APBB2: variants seen among roughly 807,000 people sequenced by gnomAD.
The protein encoded by APBB2 is amyloid beta precursor protein binding family B member 2.
In APBB2, 38 loss-of-function variants were observed where a neutral mutation model predicts 82.5. The ratio of observed to expected loss-of-function variants is 0.46; its 90% CI spans 0.36 to 0.60. The LOEUF (loss-of-function observed/expected upper bound fraction) is 0.60. Ranked by LOEUF, APBB2 falls within the 20% of genes least tolerant of loss-of-function variation. The pLI, the probability that APBB2 is intolerant of heterozygous loss-of-function variation, is 0.00. For missense variants in APBB2, 772 were observed against 972.3 expected, an observed-to-expected ratio of 0.79 and a Z score of 2.74; for synonymous variants, 341 against 368.2, an observed-to-expected ratio of 0.93 and a Z score of 0.85.
chr4:40,906,256 A>T (rs1176963938), intron 10 of APBB2, among the ~76,000 whole-genome samples: 1 of 151,832 alleles, frequency 6.6e-6, no homozygotes, highest in African/African-American at 2.4e-5. Context: ...GGAGTTCGAG[A>T]CCAGCTTGGG....
intron 2 of APBB2, among the ~76,000 whole-genome samples, chr4:41,134,262 G>A (rs1756915663): frequency 6.6e-6 from 1 of 152,076 alleles, no homozygotes; most frequent in Non-Finnish European, 1.5e-5. Flanking sequence ...GATTACAGGT[G>A]TGAGCCATCG....
intron 1 of APBB2, among the ~76,000 whole-genome samples, chr4:41,199,801 C>A (rs116454204): frequency 1.3e-5 from 2 of 152,058 alleles, no homozygotes; most frequent in African/African-American, 4.8e-5. Context: ...ACTGTTCTTC[C>A]GGTGTCTAGT....
intron 1 of APBB2, among the ~76,000 whole-genome samples, chr4:41,189,401 A>T (rs1773791647): frequency 1.3e-5 from 2 of 152,142 alleles, no homozygotes; most frequent in African/African-American, 4.8e-5. Flanking sequence ...AATGTTATCT[A>T]TCTTGACCTG....
At chr4:41,208,271 C>A (rs1284780909) in intron 1 of APBB2, among the ~76,000 whole-genome samples, 1 of 151,946 alleles carries the variant, frequency 6.6e-6, no homozygotes, top group Non-Finnish European at 1.5e-5. Flanking sequence ...ATTCTGCATT[C>A]TTTTTTTTGA....
chr4:40,979,388 A>T (rs908985526), intron 6 of APBB2, among the ~76,000 whole-genome samples: 8 of 152,112 alleles, frequency 5.3e-5, no homozygotes, highest in African/African-American at 1.9e-4. Context: ...AAGACCTAGA[A>T]ATATCCTATT....
chr4:40,972,236 G>A (rs1796097658), intron 6 of APBB2, among the ~76,000 whole-genome samples: 1 of 151,954 alleles, frequency 6.6e-6, no homozygotes, highest in Non-Finnish European at 1.5e-5. Context: ...AGACCATCCT[G>A]GCTAACAAGG....
chr4:40,895,702 C>T (rs184135955), intron 10 of APBB2, among the ~76,000 whole-genome samples: 46 of 152,314 alleles, frequency 3.0e-4, no homozygotes, highest in Admixed American at 1.0e-3. Context: ...TCTCCCATGT[C>T]GGTTCCCAAC....
At chr4:41,139,119 A>C (rs1758398820) in intron 2 of APBB2, among the ~76,000 whole-genome samples, 1 of 152,208 alleles carries the variant, frequency 6.6e-6, no homozygotes, top group Non-Finnish European at 1.5e-5. Context: ...TTCACGTATC[A>C]GAGCTCTTAA....
intron 17 of APBB2, among the ~76,000 whole-genome samples, chr4:40,820,831 C>T (rs529403300): frequency 2.6e-5 from 4 of 152,260 alleles, no homozygotes; most frequent in Admixed American, 6.5e-5. Context: ...GCTGCTGGAA[C>T]ACACCTGCCC....
intron 5 of APBB2, among the ~76,000 whole-genome samples, chr4:41,017,571 C>A (rs1398644604): frequency 6.6e-6 from 1 of 152,216 alleles, no homozygotes. Flanking sequence ...ACTTGGTTTA[C>A]ATGACAAGTA....
chr4:40,948,309 C>T (rs1328369778), intron 6 of APBB2, among the ~76,000 whole-genome samples: 3 of 152,166 alleles, frequency 2.0e-5, no homozygotes, highest in African/African-American at 2.4e-5. Flanking sequence ...TTAGGCTGGA[C>T]GCAGTGGTTC....
At chr4:41,024,796 C>A (rs1355619616) in intron 5 of APBB2, among the ~76,000 whole-genome samples, 2 of 152,218 alleles carry the variant, frequency 1.3e-5, no homozygotes, top group Non-Finnish European at 2.9e-5. Flanking sequence ...TGGGCTGCAG[C>A]CATCTGGGCG....
chr4:41,065,220 A>C (rs558270876), intron 4 of APBB2, among the ~76,000 whole-genome samples: 2 of 152,180 alleles, frequency 1.3e-5, no homozygotes, highest in African/African-American at 4.8e-5. Context: ...AGAAGTTCGA[A>C]GCTACAGTGA....
chr4:41,024,980 G>C (rs200422648), intron 5 of APBB2, among the ~76,000 whole-genome samples: 2 of 152,102 alleles, frequency 1.3e-5, no homozygotes, highest in Non-Finnish European at 2.9e-5. Flanking sequence ...ACTACGATTC[G>C]CGCCACTGTA....
At chr4:40,995,880 G>C (rs564541659) in intron 6 of APBB2, among the ~76,000 whole-genome samples, 10 of 152,150 alleles carry the variant, frequency 6.6e-5, no homozygotes, top group African/African-American at 2.4e-4. Context: ...ATGTTGCCCA[G>C]GCTGGTGTTG....
chr4:41,049,514 C>G (rs13111080), intron 4 of APBB2, among the ~76,000 whole-genome samples: 19,195 of 100,106 alleles, frequency 0.19, 2,114 homozygotes, highest in African/African-American at 0.25. Flanking sequence ...GAGGTGGGGG[C>G]CAGCCCCCGC....
chr4:40,981,184 C>G (rs1578940934), intron 6 of APBB2, among the ~76,000 whole-genome samples: 1 of 151,980 alleles, frequency 6.6e-6, no homozygotes, highest in Non-Finnish European at 1.5e-5. Context: ...GCGGGCGGAT[C>G]ACGAGGTCAA....
chr4:41,062,871 C>T (rs1031089349), intron 4 of APBB2, among the ~76,000 whole-genome samples: 35 of 152,150 alleles, frequency 2.3e-4, no homozygotes, highest in African/African-American at 8.0e-4. Context: ...AAATAAAGAG[C>T]TTCCTTGCAA....
At chr4:40,833,690 C>T (rs964428598) in intron 12 of APBB2, among the ~76,000 whole-genome samples, 6 of 152,182 alleles carry the variant, frequency 3.9e-5, no homozygotes, top group South Asian at 4.1e-4. Flanking sequence ...TTCCACTTAG[C>T]TATACAACCC....
Sources: allele counts gnomAD v4.1 joint callset (sites outside exome capture counted in the v4.1 genomes callset), GRCh38; gene constraint gnomAD v4.1.1; transcripts MANE v1.5; gene names NCBI Gene and HGNC (gene_info 2026-07-23, HGNC 2026-07-21).